Variants in TOX observed in about 807,000 individuals in gnomAD.
TOX encodes thymocyte selection-associated high mobility group box protein TOX.
In TOX, 11 loss-of-function variants were observed where a neutral mutation model predicts 53.7. The ratio of observed to expected loss-of-function variants is 0.20; its 90% confidence interval spans 0.13 to 0.34. The LOEUF (loss-of-function observed/expected upper bound fraction) is 0.34. Ranked by LOEUF, TOX falls within the 10% of genes least tolerant of loss-of-function variation. The probability of loss-of-function intolerance (pLI) is 1.00; values close to 1 mark genes in which losing one functional copy is unlikely to be tolerated. For missense variants in TOX, 570 were observed against 664.6 expected, an observed-to-expected ratio of 0.86 and a Z score of 1.56; for synonymous variants, 225 against 245.3, an observed-to-expected ratio of 0.92 and a Z score of 0.77.
chr8:59,027,461 T>TA (rs1554540360), intron 1 of TOX, among the ~76,000 whole-genome samples: 2 of 152,048 alleles, frequency 1.3e-5, no homozygotes, highest in Non-Finnish European at 2.9e-5. Context: ...TTTTTTTTTT[T>TA]AAATTTTTCA....
At chr8:58,873,149 G>A (rs1013629656) in intron 3 of TOX, among the ~76,000 whole-genome samples, 15 of 152,124 alleles carry the variant, frequency 9.9e-5, no homozygotes, top group African/African-American at 2.6e-4. Context: ...CAATTATAAC[G>A]TTTATTCAAA....
At chr8:58,944,826 G>A (rs994518543) in intron 2 of TOX, among the ~76,000 whole-genome samples, 58 of 152,158 alleles carry the variant, frequency 3.8e-4, no homozygotes, top group African/African-American at 1.3e-3. Context: ...ACTGTAGACA[G>A]TACAGAAGAT....
At chr8:59,094,437 A>C (rs1191012826) in intron 1 of TOX, among the ~76,000 whole-genome samples, 3 of 152,138 alleles carry the variant, frequency 2.0e-5, no homozygotes, top group African/African-American at 7.2e-5. Context: ...CAGGAGTTTG[A>C]GACCAGCCTG....
chr8:58,996,420 G>A (rs1813562006), intron 1 of TOX, among the ~76,000 whole-genome samples: 1 of 152,176 alleles, frequency 6.6e-6, no homozygotes, highest in Non-Finnish European at 1.5e-5. Flanking sequence ...CCTGCACACA[G>A]ATTAGATTAC....
At chr8:59,114,928 A>G (rs1805076928) in intron 1 of TOX, among the ~76,000 whole-genome samples, 1 of 152,156 alleles carries the variant, frequency 6.6e-6, no homozygotes, top group South Asian at 2.1e-4. Flanking sequence ...TCAAATGTCT[A>G]ATGTTTGTCC....
intron 6 of TOX, among the ~76,000 whole-genome samples, chr8:58,826,374 CGGTGTTTTTATTTTCAAACAAAAT>C (rs1323984264): frequency 6.6e-6 from 1 of 152,058 alleles, no homozygotes; most frequent in Non-Finnish European, 1.5e-5. Flanking sequence ...TATTTTTAAG[CGGTGTTTTTATTTTCAAACAAAAT>C]GATGTGATTT....
intron 1 of TOX, among the ~76,000 whole-genome samples, chr8:59,082,384 C>T (rs943362797): frequency 1.8e-4 from 28 of 152,208 alleles, no homozygotes; most frequent in Admixed American, 6.5e-5. Flanking sequence ...GTAGTTTCCT[C>T]GCATCAAATT....
intron 3 of TOX, among the ~76,000 whole-genome samples, chr8:58,872,317 A>T (rs1162042766): frequency 1.3e-5 from 2 of 152,154 alleles, no homozygotes; most frequent in Non-Finnish European, 2.9e-5. Context: ...ACACATATGA[A>T]GGAGAACATA....
chr8:58,829,557 T>C lies in TOX; in HGVS notation c.925-2655A>G, dbSNP rs113347505. Among the ~76,000 whole-genome samples the C allele has an allele frequency of 3.1e-3, 478 of 152,314 alleles. 4 individuals are homozygous for C. Among genetic ancestry groups the C allele is most frequent in the African/African-American group, 0.011 (455 of 41,570 alleles). Reference sequence around the variant, plus strand: ...GGGGTCATTTCAGAAGGTAGATTCCTGTAATTGTGTTGAAAGGGGAGTAGC... The same window carrying C: ...GGGGTCATTTCAGAAGGTAGATTCCCGTAATTGTGTTGAAAGGGGAGTAGC... On this transcript the variant is annotated intron_variant, in intron 5 of 8. Coordinates refer to ENST00000361421, the MANE Select transcript of TOX (RefSeq NM_014729.3).
intron 1 of TOX, among the ~76,000 whole-genome samples, chr8:59,107,058 G>GGA (rs1563448687): frequency 8.9e-6 from 1 of 112,580 alleles, no homozygotes; most frequent in Non-Finnish European, 1.8e-5. Context: ...GGGGGGGGGG[G>GGA]AACGTGACAT....
intron 1 of TOX, among the ~76,000 whole-genome samples, chr8:59,010,235 G>T (rs1271058305): frequency 9.9e-5 from 15 of 152,094 alleles, no homozygotes; most frequent in Non-Finnish European, 1.9e-4. Context: ...CTTAATCTTA[G>T]ATCACTGCAA....
chr8:58,895,103 G>A (rs757234452), intron 3 of TOX, among the ~76,000 whole-genome samples: 19 of 151,922 alleles, frequency 1.3e-4, no homozygotes, highest in South Asian at 4.1e-4. Context: ...CAGGGGAATC[G>A]CTTCAACCGG....
At chr8:59,049,056 T>C (rs1411286492) in intron 1 of TOX, among the ~76,000 whole-genome samples, 4 of 152,158 alleles carry the variant, frequency 2.6e-5, no homozygotes, top group Non-Finnish European at 5.9e-5. Context: ...TCAATGACAG[T>C]ATAAGCAAAT....
At chr8:58,869,460 G>C (rs968209064) in intron 3 of TOX, among the ~76,000 whole-genome samples, 2 of 151,842 alleles carry the variant, frequency 1.3e-5, no homozygotes, top group Non-Finnish European at 2.9e-5. Context: ...AAATATTTAA[G>C]GAAAAAATTA....
chr8:59,036,952 C>T (rs1814471114), intron 1 of TOX, among the ~76,000 whole-genome samples: 1 of 152,164 alleles, frequency 6.6e-6, no homozygotes, highest in South Asian at 2.1e-4. Context: ...AAGAGGCCTT[C>T]AAAACAATGG....
chr8:58,929,656 C>T (rs1285234560), intron 3 of TOX, among the ~76,000 whole-genome samples: 1 of 151,896 alleles, frequency 6.6e-6, no homozygotes, highest in Non-Finnish European at 1.5e-5. Flanking sequence ...GATTTCATGA[C>T]AAAATGAGTT....
At chr8:58,889,402 T>A (rs1326715610) in intron 3 of TOX, among the ~76,000 whole-genome samples, 2 of 151,778 alleles carry the variant, frequency 1.3e-5, no homozygotes, top group Non-Finnish European at 2.9e-5. Context: ...TCATCTTTTG[T>A]AAAAGAAAAA....
At chr8:59,103,616 T>C (rs1052626948) in intron 1 of TOX, among the ~76,000 whole-genome samples, 10 of 152,192 alleles carry the variant, frequency 6.6e-5, no homozygotes, top group Non-Finnish European at 1.0e-4. Context: ...TCTAGCCCCC[T>C]GAGATATAAA....
At chr8:58,938,982 T>A (rs548689535) in intron 3 of TOX, among the ~76,000 whole-genome samples, 1 of 152,322 alleles carries the variant, frequency 6.6e-6, no homozygotes, top group African/African-American at 2.4e-5. Flanking sequence ...GGATGAGAGG[T>A]GGCATCTTTC....
Sources: gnomAD v4.1 joint callset for allele counts (sites outside exome capture counted in the v4.1 genomes callset) on GRCh38, gnomAD v4.1.1 for gene constraint, MANE v1.5 for transcripts, NCBI Gene and HGNC (gene_info 2026-07-23, HGNC 2026-07-21) for gene names.